Variants in MB observed in about 807,000 individuals in gnomAD.
The protein encoded by MB is nitrite reductase MB.
A neutral mutation model predicts 14.5 loss-of-function variants in MB; 10 were observed. That is an observed-to-expected ratio of 0.69 (90% CI 0.43 to 1.17). MB has a LOEUF of 1.17. Ranked by LOEUF, MB falls within the 50% of genes most tolerant of loss-of-function variation. MB has a pLI of 0.00. For synonymous variants in MB, 89 were observed against 78.6 expected (o/e 1.13, Z -0.70); for missense variants, 169 against 192.7 (o/e 0.88, Z 0.73).
chr22:35,621,666 A>T (rs189401690), upstream of MB, among the ~76,000 whole-genome samples: 1 of 152,304 alleles, frequency 6.6e-6, no homozygotes, highest in Non-Finnish European at 1.5e-5. Context: ...TTTTATGTCG[A>T]ACCAAAAGAT....
At chr22:35,611,678 T>C (rs960084463) in intron 1 of MB, among the ~76,000 whole-genome samples, 2 of 152,290 alleles carry the variant, frequency 1.3e-5, no homozygotes, top group South Asian at 2.1e-4. Flanking sequence ...ACTGTGCAGA[T>C]GACGAAGGGT....
At chr22:35,609,554 A>G (rs1487542305) in intron 2 of MB, among the ~76,000 whole-genome samples, 1 of 152,088 alleles carries the variant, frequency 6.6e-6, no homozygotes, top group Non-Finnish European at 1.5e-5. Context: ...AATGGGTGAT[A>G]TTGTGCCACA....
chr22:35,609,817 C>T (rs948157112), intron 2 of MB, among the ~76,000 whole-genome samples: 6 of 152,150 alleles, frequency 3.9e-5, no homozygotes, highest in African/African-American at 1.2e-4. Context: ...CCCAGCTTCC[C>T]GTGCAGACAG....
At chr22:35,612,848 G>A (rs991694015) in intron 1 of MB, among the ~76,000 whole-genome samples, 1 of 152,092 alleles carries the variant, frequency 6.6e-6, no homozygotes, top group Non-Finnish European at 1.5e-5. Context: ...TCTCACAGAT[G>A]TGTGTGCACA....
At chr22:35,609,418 G>A (rs1449179410) in intron 2 of MB, among the ~76,000 whole-genome samples, 1 of 152,212 alleles carries the variant, frequency 6.6e-6, no homozygotes, top group East Asian at 1.9e-4. Context: ...GGGCAGGCAG[G>A]GACGGCCTCA....
At chr22:35,611,271 T>C (rs904098511) in intron 1 of MB, among the ~76,000 whole-genome samples, 165 bp from the exon 2 acceptor site, 3 of 152,178 alleles carry the variant, frequency 2.0e-5, no homozygotes, top group Non-Finnish European at 4.4e-5. Flanking sequence ...GGGATGGGGA[T>C]AACTTGTCCC....
rs1413703847 is a variant in MB at position 35,608,016 on chromosome 22, G to A, written c.319-573C>T. Among the ~76,000 whole-genome samples, 1 of 152,184 alleles carries A rather than the reference G, an allele frequency of 6.6e-6. No individual in the cohort carries two copies. Among genetic ancestry groups the A allele is most frequent in the African/African-American group, 2.4e-5 (1 of 41,434 alleles). ...TTATACCAAGCACAGAAACACTGGT[G>A]GGAGGGAAGGAGAGAGAGGAAGAAG... On this transcript the variant is annotated intron_variant, in intron 2 of 2. Coordinates refer to ENST00000397326, the MANE Select transcript of MB (RefSeq NM_005368.3). This position sits in a 1 kb window ranked among gnomAD's most constrained non-coding sequence, Gnocchi z 4.3.
At chr22:35,619,458 T>G (rs1923328396), upstream of MB, among the ~76,000 whole-genome samples, 1 of 152,218 alleles carries the variant, frequency 6.6e-6, no homozygotes, top group South Asian at 2.1e-4. Flanking sequence ...CTGCCCCACC[T>G]ACACAGCTTT....
At chr22:35,614,793 G>A (rs975465800) in intron 1 of MB, among the ~76,000 whole-genome samples, 1 of 152,100 alleles carries the variant, frequency 6.6e-6, no homozygotes, top group Admixed American at 6.5e-5. Flanking sequence ...GGTCCTGCCT[G>A]TGGCTGCCAT....
At chr22:35,615,195 G>T (rs1922977797) in intron 1 of MB, among the ~76,000 whole-genome samples, 1 of 152,234 alleles carries the variant, frequency 6.6e-6, no homozygotes, top group Non-Finnish European at 1.5e-5. Context: ...TCCAGAGTCA[G>T]TATCTAGAAC....
chr22:35,620,635 T>C (rs5750136), upstream of MB, among the ~76,000 whole-genome samples: 103,696 of 152,134 alleles, frequency 0.68, 37,129 homozygotes, highest in East Asian at 0.93. Flanking sequence ...GCCCCCTGCC[T>C]GGTGCGCTGG....
Position 35,608,765 on chromosome 22 carries a change from C to T in MB, c.319-1322G>A, listed in dbSNP as rs555698604. Among the ~76,000 whole-genome samples the T allele has an allele frequency of 1.3e-5, 2 of 152,348 alleles. No homozygotes were observed. Among genetic ancestry groups the T allele is most frequent in the African/African-American group, 4.8e-5 (2 of 41,580 alleles). ...AGATGGCCTGGTTGGGCCCCCAGCT[C>T]AGACTTTCTGGAGTCCATGGCAGAG... On this transcript the variant is annotated intron_variant, in intron 2 of 2. Coordinates refer to ENST00000397326, the MANE Select transcript of MB (RefSeq NM_005368.3). This position sits in a 1 kb window ranked among gnomAD's most constrained non-coding sequence, Gnocchi z 4.3.
upstream of MB, among the ~76,000 whole-genome samples, chr22:35,621,220 C>T (rs969606154): frequency 2.0e-5 from 3 of 152,178 alleles, no homozygotes; most frequent in Non-Finnish European, 4.4e-5. Flanking sequence ...GCTACACACA[C>T]GCACACACAC....
intron 1 of MB, among the ~76,000 whole-genome samples, 158 bp from the exon 2 acceptor site, chr22:35,611,264 A>T (rs188420520): frequency 7.9e-5 from 12 of 152,242 alleles, no homozygotes; most frequent in Middle Eastern, 3.4e-3. Context: ...CATATAAGGG[A>T]TGGGGATAAC....
intron 2 of MB, among the ~76,000 whole-genome samples, chr22:35,610,182 G>A (rs1422881008): frequency 3.9e-5 from 6 of 151,980 alleles, no homozygotes; most frequent in African/African-American, 9.7e-5. Context: ...TCCCCAAATC[G>A]CCTCCTCCCA....
At chr22:35,621,609 T>C (rs1392258765), upstream of MB, among the ~76,000 whole-genome samples, 1 of 152,220 alleles carries the variant, frequency 6.6e-6, no homozygotes, top group Non-Finnish European at 1.5e-5. Context: ...TCTGCTTGAA[T>C]ACTCCTGGGA....
upstream of MB, among the ~76,000 whole-genome samples, chr22:35,618,567 A>G (rs945483950): frequency 2.6e-5 from 4 of 151,822 alleles, no homozygotes; most frequent in African/African-American, 7.3e-5. Flanking sequence ...CTATCCATGC[A>G]TTCACTCATC....
Position 35,611,010 on chromosome 22 carries a change from C to G in MB, c.192G>C (p.Lys64Asn). Residue 64 changes from lysine (K) to asparagine (N), a missense_variant, in exon 2 of 3, where the codon AAG becomes AAC. Transcript: ENST00000397326. The stretch of plus-strand genomic sequence containing the variant: ...GGGCGGTGAGCACGGTGGCACCATG[C>G]TTCTTTAAGTCCTCAGACGCCTTCA... ...DEMKASEDLK[K>N]HGATVLTALG... 3 of 1,614,174 alleles carry G rather than the reference C, an allele frequency of 1.9e-6. No homozygotes were observed. The South Asian group carries it at 3.3e-5, about 18-fold the overall frequency.
chr22:35,611,713 C>A (rs1286911675), intron 1 of MB, among the ~76,000 whole-genome samples: 1 of 152,178 alleles, frequency 6.6e-6, no homozygotes, highest in African/African-American at 2.4e-5. Context: ...CTCAACCCAG[C>A]CCTGAGACAG....
Sources: gnomAD v4.1 joint callset for allele counts (sites outside exome capture counted in the v4.1 genomes callset) on GRCh38, gnomAD v4.1.1 for gene constraint, Gnocchi (gnomAD v3.1) non-coding constraint, MANE v1.5 for transcripts, NCBI Gene and HGNC (gene_info 2026-07-23, HGNC 2026-07-21) for gene names.